Variants in ENO4 observed in about 807,000 individuals in gnomAD.
The protein encoded by ENO4 is enolase 4.
A neutral mutation model predicts 63.2 loss-of-function variants in ENO4; 53 were observed. The ratio of observed to expected loss-of-function variants is 0.84; its 90% CI spans 0.67 to 1.05. ENO4 has a LOEUF of 1.05. Ranked by LOEUF, ENO4 falls within the 50% of genes least tolerant of loss-of-function variation. The probability of loss-of-function intolerance (pLI) is 0.00; values close to 1 mark genes in which losing one functional copy is unlikely to be tolerated. For synonymous variants in ENO4, 266 were observed against 283.8 expected, an observed-to-expected ratio of 0.94 and a Z score of 0.63; for missense variants, 719 against 772.0, an observed-to-expected ratio of 0.93 and a Z score of 0.81.
intron 10 of ENO4, among the ~76,000 whole-genome samples, chr10:116,895,959 A>G (rs1319114692): frequency 6.6e-6 from 1 of 152,198 alleles, no homozygotes; most frequent in Non-Finnish European, 1.5e-5. Flanking sequence ...ACACAGAAGC[A>G]AATTCCAAAA....
chr10:116,861,228 A>G (rs1438349549), intron 6 of ENO4, 38 bp downstream of exon 6: 3 of 556,410 alleles, frequency 5.4e-6, no homozygotes, highest in Non-Finnish European at 7.6e-6. Context: ...TTCTAAAAAA[A>G]AAAAAAAAAT....
intron 7 of ENO4, 192 bp from the exon 8 acceptor site, chr10:116,868,454 GAAAT>G (rs1253054901): frequency 4.3e-6 from 3 of 697,338 alleles, no homozygotes; most frequent in Non-Finnish European, 7.9e-6. Flanking sequence ...CTGAATTTGA[GAAAT>G]AGTTTGTGGC....
chr10:116,855,840 T>G, intron 2 of ENO4, 89 bp downstream of exon 2: 2 of 1,369,126 alleles, frequency 1.5e-6, no homozygotes, highest in Non-Finnish European at 1.9e-6. Flanking sequence ...AATTATTGTT[T>G]TGAAATTCAG....
downstream of ENO4, among the ~76,000 whole-genome samples, chr10:116,912,184 T>C (rs969476142): frequency 6.6e-6 from 1 of 152,146 alleles, no homozygotes; most frequent in African/African-American, 2.4e-5. Flanking sequence ...ATTCAGAGCT[T>C]CTTAGGATAA....
At position 116,876,209 on chromosome 10, in the gene ENO4, A is replaced by G; in HGVS notation, c.1486A>G (p.Thr496Ala). Residue 496 changes from threonine (T) to alanine (A), a missense_variant, in exon 11 of 14, where the codon ACA becomes GCA. By Grantham distance (58) the Thr-to-Ala change is moderately conservative. This residue lies in a region of ENO4 where 168 missense variants were observed against 163.3 expected (regional missense o/e 1.03). Coordinates refer to ENST00000341276, the MANE Select transcript of ENO4 (RefSeq NM_001242699.2). ...PKSNGLIIKH[T>A]NQTTMSDLVE... ...ATCCAATGGGCTGATCATAAAACAC[A>G]CAAACCAAACTACAATGTCTGACTT... 1 of 1,550,204 alleles carries G rather than the reference A, an allele frequency of 6.5e-7. No homozygotes were observed. The highest frequency in any genetic ancestry group is 8.7e-7 in the Non-Finnish European group (1 of 1,146,884).
intron 10 of ENO4, among the ~76,000 whole-genome samples, chr10:116,905,121 G>T (rs866895869): frequency 1.6e-4 from 24 of 149,690 alleles, no homozygotes; most frequent in Middle Eastern, 3.4e-3. Flanking sequence ...GAATGGCGTT[G>T]AACCCGGGAA....
chr10:116,874,223 T>C lies in ENO4; in HGVS notation c.1341+22T>C, dbSNP rs1361772314. ...GGAGGTAAGCACCCCACCTTCCATATTTTATAACATATTTTATATGCCATA... is the reference window on the plus strand; with the variant it reads ...GGAGGTAAGCACCCCACCTTCCATACTTTATAACATATTTTATATGCCATA... On this transcript the variant is annotated intron_variant, in intron 10 of 13. Coordinates refer to ENST00000341276, the MANE Select transcript of ENO4 (RefSeq NM_001242699.2). The C allele has an allele frequency of 9.3e-6, 14 of 1,511,216 alleles. No individual in the cohort carries two copies. In the East Asian group the frequency reaches 3.2e-4, roughly 35 times the overall value. The allele number at this position is 1,511,216 out of a possible 1,614,324, so 93.6% of individuals were successfully genotyped here. A position where few individuals can be genotyped will look rare whatever the true frequency, so the allele number is the denominator to read the frequency against.
At chr10:116,908,742 C>T (rs1276833941) in intron 10 of ENO4, among the ~76,000 whole-genome samples, 1 of 152,270 alleles carries the variant, frequency 6.6e-6, no homozygotes, top group East Asian at 1.9e-4. Flanking sequence ...ATGTATCTTT[C>T]ACAGTAATTT....
At chr10:116,871,413 T>C (rs1172326859) in intron 9 of ENO4, 121 bp downstream of exon 9, 1 of 936,718 alleles carries the variant, frequency 1.1e-6, no homozygotes, top group Non-Finnish European at 1.5e-6. Context: ...TTTTTATTAA[T>C]ATTGTGTGAA....
At chr10:116,912,233 C>G (rs977879057), downstream of ENO4, among the ~76,000 whole-genome samples, 1 of 152,176 alleles carries the variant, frequency 6.6e-6, no homozygotes, top group Non-Finnish European at 1.5e-5. Context: ...TGCCAGCAAG[C>G]AGAGACTAGA....
chr10:116,908,608 A>G (rs1848067848), intron 10 of ENO4, among the ~76,000 whole-genome samples: 1 of 152,202 alleles, frequency 6.6e-6, no homozygotes, highest in African/African-American at 2.4e-5. Flanking sequence ...AAACTACTAC[A>G]TTGTTTCAAT....
chr10:116,907,009 A>G (rs1847994428), intron 10 of ENO4, among the ~76,000 whole-genome samples: 1 of 152,216 alleles, frequency 6.6e-6, no homozygotes, highest in Admixed American at 6.5e-5. Flanking sequence ...GGAAGAGGTG[A>G]CTATATGAAA....
intron 7 of ENO4, among the ~76,000 whole-genome samples, chr10:116,868,402 A>G (rs1320217434): frequency 6.6e-6 from 1 of 152,184 alleles, no homozygotes. Flanking sequence ...CATATATGTG[A>G]CTGGGGGCAG....
chr10:116,883,389 T>C (rs1564856673), downstream of ENO4: 1 of 152,196 alleles, frequency 6.6e-6, no homozygotes, highest in Non-Finnish European at 1.5e-5. Context: ...GACATGTTAG[T>C]GCTTGGAAGA....
At chr10:116,891,512 A>C (rs1425055655) in intron 10 of ENO4, among the ~76,000 whole-genome samples, 1 of 152,180 alleles carries the variant, frequency 6.6e-6, no homozygotes, top group Non-Finnish European at 1.5e-5. Flanking sequence ...AGGACAGAAA[A>C]CAGAAAGATT....
rs1469088956 is a variant in ENO4, at chr10:116,906,820, A to C, written c.1195-4679A>C. ...ATATACAAAAGAATATAAAAATCAA[A>C]CCATGAAAACATTACCAGAATTTGA... On this transcript the variant is annotated intron_variant, in intron 10 of 10. Coordinates refer to the ENO4 transcript ENST00000369207. 3.3e-6 allele frequency: 4 copies of C among 1,224,258 alleles called. No homozygotes were observed. In the African/African-American group the frequency reaches 4.7e-5, roughly 14 times the overall value. The allele number at this position is 1,224,258 out of a possible 1,614,324, so 75.8% of individuals were successfully genotyped here.
At chr10:116,903,840 T>C (rs989338129) in intron 10 of ENO4, among the ~76,000 whole-genome samples, 3 of 152,214 alleles carry the variant, frequency 2.0e-5, no homozygotes, top group Non-Finnish European at 4.4e-5. Context: ...ATTTTTCTTA[T>C]ATACAAAAAG....
rs1017323809 is a variant in ENO4 at position 116,875,315 on chromosome 10, G to C, written c.1342-750G>C. 2.0e-5 allele frequency among the ~76,000 whole-genome samples: 3 copies of C among 152,004 alleles called. No homozygotes were observed. In the East Asian group the frequency reaches 5.8e-4, roughly 29 times the overall value. ...TGGCTGAGCTTAGTTCCTTAACCTT[G>C]CCATACCAGCCCTGCGATGACTGTC... On this transcript the variant is annotated intron_variant, in intron 10 of 13. Coordinates refer to ENST00000341276, the MANE Select transcript of ENO4 (RefSeq NM_001242699.2).
At chr10:116,897,501 A>T (rs1182586782) in intron 10 of ENO4, among the ~76,000 whole-genome samples, 1 of 152,192 alleles carries the variant, frequency 6.6e-6, no homozygotes, top group Non-Finnish European at 1.5e-5. Flanking sequence ...AAAACAAAAC[A>T]CAGAGAGGTT....
Sources: allele counts gnomAD v4.1 joint callset (sites outside exome capture counted in the v4.1 genomes callset), GRCh38; gene constraint gnomAD v4.1.1; regional missense constraint gnomAD v4.1.1; transcripts MANE v1.5; gene names NCBI Gene and HGNC (gene_info 2026-07-23, HGNC 2026-07-21).